The following ZNF468 variants were observed in gnomAD, a reference collection of about 807,000 sequenced individuals.
The protein encoded by ZNF468 is zinc finger protein 468.
In ZNF468, 8 loss-of-function variants were observed where a neutral mutation model predicts 7.2. The observed-to-expected ratio is 1.11, with a 90% CI of 0.65 to 2.01. The LOEUF (loss-of-function observed/expected upper bound fraction) is 2.01. Among genes scored for constraint, ZNF468 ranks in the 30% most tolerant of loss-of-function variants. The probability of loss-of-function intolerance (pLI) is 0.00; values close to 1 mark genes in which losing one functional copy is unlikely to be tolerated. For missense variants in ZNF468, 608 were observed against 626.5 expected, an observed-to-expected ratio of 0.97 and a Z score of 0.31; for synonymous variants, 218 against 214.4, an observed-to-expected ratio of 1.02 and a Z score of -0.15.
Position 52,841,509 on chromosome 19 carries a change from C to G in ZNF468, c.785G>C (p.Arg262Pro). 6.2e-7 allele frequency: 1 copy of G among 1,614,098 alleles called. No homozygotes were observed. Among genetic ancestry groups the G allele is most frequent in the Non-Finnish European group, 8.5e-7 (1 of 1,180,008 alleles). Residue 262 changes from arginine (R) to proline (P), a missense_variant, in exon 4 of 4, where the codon CGT becomes CCT. Physicochemically the swap from Arg to Pro is moderately radical, Grantham distance 103. Transcript: ENST00000595646. ...FNQKRYLACH[R>P]RCHTGEKPYK... ...AGGTTTCTCACCAGTGTGACATCTACGATGGCAGGCAAGGTATCGCTTCTG... is the reference window on the plus strand; with the variant it reads ...AGGTTTCTCACCAGTGTGACATCTAGGATGGCAGGCAAGGTATCGCTTCTG...
chr19:52,841,043 G>T lies in ZNF468; in HGVS notation c.1251C>A (p.Cys417Ter). 6.2e-7 allele frequency: 1 copy of T among 1,612,990 alleles called. No homozygotes were observed. The highest frequency in any genetic ancestry group is 8.5e-7 in the Non-Finnish European group (1 of 1,179,320). ...GGTTTGATTTGCGACTGAAAACTTT[G>T]CAACATTCTTCACATTTGTAAGGTT... is the stretch of plus-strand genomic sequence containing the variant. ...GEKPYKCEECCKVFSRKSNLE... is the reference protein window; with the variant it reads ...GEKPYKCEEC The change falls in exon 4 of 4, where the codon TGC becomes TGA. Residue 417 changes from cysteine (C) to a stop codon, truncating the protein, a stop_gained. Coordinates refer to ENST00000595646, the MANE Select transcript of ZNF468 (RefSeq NM_001008801.2). LOFTEE classifies it low-confidence loss of function (END_TRUNC).
At position 52,842,103 on chromosome 19, in the gene ZNF468, C is replaced by T; in HGVS notation, c.191G>A (p.Gly64Asp). 1.9e-6 allele frequency: 3 copies of T among 1,604,168 alleles called. No homozygotes were observed. Among genetic ancestry groups the T allele is most frequent in the Non-Finnish European group, 2.6e-6 (3 of 1,175,106 alleles). The change falls in exon 4 of 4, where the codon GGC becomes GAC. Residue 64 changes from glycine to aspartate, a missense_variant. Transcript: ENST00000595646. ...MLKTLSSTGQ[G>D]NTEVIHTGTL... is the part of the protein sequence containing the mutation. Reference sequence around the variant, plus strand: ...CCCTGTGTGGATCACTTCTGTATTGCCTTGCCCTGTTGACGACAACGTCTT... The same window carrying T: ...CCCTGTGTGGATCACTTCTGTATTGTCTTGCCCTGTTGACGACAACGTCTT...
intron 2 of ZNF468, among the ~76,000 whole-genome samples, chr19:52,852,501 C>T (rs1016867468): frequency 1.5e-4 from 23 of 151,802 alleles, no homozygotes; most frequent in African/African-American, 5.3e-4. Context: ...TGGTGAAACA[C>T]CGTCTCTAGT....
In ZNF468 at chr19:52,841,737, G is replaced by A. The variant is rs772609522; in HGVS notation, c.557C>T (p.Thr186Ile). 3.1e-6 allele frequency: 5 copies of A among 1,613,962 alleles called. No individual in the cohort carries two copies. The highest frequency in any genetic ancestry group is 1.1e-5 in the South Asian group (1 of 91,066). The change falls in exon 4 of 4, where the codon ACC becomes ATC. Residue 186 changes from threonine (T) to isoleucine (I), a missense_variant. Coordinates refer to ENST00000595646, the MANE Select transcript of ZNF468 (RefSeq NM_001008801.2). ...TSQRICCRPK[T>I]HISNKYGNNS... ...ATTTCCATACTTATTAGAAATATGG[G>A]TTTTGGGCCTACAACAAATTCTTTG...
intron 2 of ZNF468, 128 bp downstream of exon 2, chr19:52,854,130 A>G (rs778250251): frequency 6.3e-7 from 1 of 1,588,488 alleles, no homozygotes; most frequent in African/African-American, 1.3e-5. Flanking sequence ...AGAGGGACTG[A>G]AGGAAGGCAT....
chr19:52,842,182 A>G, intron 3 of ZNF468, 31 bp from the exon 4 acceptor site: 1 of 1,534,646 alleles, frequency 6.5e-7, no homozygotes, highest in Non-Finnish European at 8.8e-7. Context: ...TAGGTTTCCA[A>G]TTAAGTACAG....
intron 3 of ZNF468, 128 bp downstream of exon 3, chr19:52,848,957 CAT>C: frequency 1.4e-6 from 2 of 1,462,560 alleles, no homozygotes; most frequent in Non-Finnish European, 1.8e-6. Context: ...GATGCTACAT[CAT>C]GAAGCTTTTC....
At chr19:52,852,632 C>T (rs1412043917) in intron 2 of ZNF468, among the ~76,000 whole-genome samples, 1 of 151,678 alleles carries the variant, frequency 6.6e-6, no homozygotes, top group African/African-American at 2.4e-5. Flanking sequence ...GCCGAGATCA[C>T]ACCACTGCAC....
intron 3 of ZNF468, among the ~76,000 whole-genome samples, chr19:52,843,843 C>T (rs777391717): frequency 3.4e-4 from 52 of 152,042 alleles, no homozygotes; most frequent in South Asian, 1.5e-3. Context: ...GACTAGCGGC[C>T]GGGTGCAGTG....
chr19:52,843,822 G>C (rs919174128), intron 3 of ZNF468, among the ~76,000 whole-genome samples: 3 of 152,070 alleles, frequency 2.0e-5, no homozygotes, highest in African/African-American at 7.2e-5. Context: ...GCTTTACCAG[G>C]AACAAGAATT....
intron 3 of ZNF468, among the ~76,000 whole-genome samples, chr19:52,843,307 C>A (rs568958855): frequency 1.3e-5 from 2 of 152,168 alleles, no homozygotes; most frequent in African/African-American, 4.8e-5. Flanking sequence ...GATCTTGGCT[C>A]ACTGCAACCT....
At chr19:52,847,400 C>A (rs1161407629) in intron 3 of ZNF468, among the ~76,000 whole-genome samples, 5 of 146,206 alleles carry the variant, frequency 3.4e-5, no homozygotes, top group Non-Finnish European at 1.5e-5. Context: ...AGTTTCCCCC[C>A]ACTGAGACAG....
Position 52,840,073 on chromosome 19 carries a change from G to T in ZNF468, c.*652C>A. ...TCCAGTGTGAATTCTAGTATGGGGTGCCACGTGTGAATCATTCCCGAAAGC... is the reference window on the plus strand; with the variant it reads ...TCCAGTGTGAATTCTAGTATGGGGTTCCACGTGTGAATCATTCCCGAAAGC... On this transcript the variant is annotated 3_prime_UTR_variant, in exon 4 of 4. Transcript: ENST00000595646. 1 of 1,024,682 alleles carries T rather than the reference G, an allele frequency of 9.8e-7. No homozygotes were observed. Among genetic ancestry groups the T allele is most frequent in the Admixed American group, 2.7e-5 (1 of 37,558 alleles). The allele number at this position is 1,024,682 out of a possible 1,614,324, so 63.5% of individuals were successfully genotyped here. A position where few individuals can be genotyped will look rare whatever the true frequency, so the allele number is the denominator to read the frequency against.
intron 2 of ZNF468, chr19:52,849,630 T>C (rs565168248): frequency 6.1e-6 from 1 of 165,108 alleles, no homozygotes; most frequent in African/African-American, 2.8e-5. Context: ...ATCCCAGCTA[T>C]GCAGGAAGCT....
intron 3 of ZNF468, among the ~76,000 whole-genome samples, chr19:52,842,843 A>AAAAG (rs1568676245): frequency 9.3e-6 from 1 of 107,464 alleles, no homozygotes; most frequent in Admixed American, 9.6e-5. Context: ...AAAAAAAAAG[A>AAAAG]CATGGCATGG....
At position 52,854,328 on chromosome 19, in the gene ZNF468, A is replaced by G; in HGVS notation, c.-56T>C. The G allele has an allele frequency of 1.4e-5, 22 of 1,611,704 alleles. No individual in the cohort carries two copies. The highest frequency in any genetic ancestry group is 1.7e-5 in the Non-Finnish European group (20 of 1,178,174). On this transcript the variant is annotated 5_prime_UTR_variant, in exon 2 of 4. Transcript: ENST00000595646. ...CTGGGTTTCTTTCTCACGTACCAAC[A>G]GTCTTTAGAAGTCAATCCTGAATGT...
In ZNF468 at chr19:52,839,895, C is replaced by A; in HGVS notation, c.*830G>T. ...GTAAGATCTCTTCACTGTGGATTCT[C>A]CAATGATGTGCAATGGTTGTAGCAT... On this transcript the variant is annotated 3_prime_UTR_variant, in exon 4 of 4. Transcript: ENST00000595646. The A allele has an allele frequency of 1.2e-6, 1 of 834,710 alleles. No homozygotes were observed. Among genetic ancestry groups the A allele is most frequent in the Non-Finnish European group, 1.8e-6 (1 of 543,426 alleles). 51.7% of individuals were successfully genotyped at this position (834,710 alleles called of 1,614,324 possible). A position where few individuals can be genotyped will look rare whatever the true frequency, so the allele number is the denominator to read the frequency against.
intron 3 of ZNF468, among the ~76,000 whole-genome samples, chr19:52,842,883 G>A (rs1320721863): frequency 2.1e-5 from 3 of 141,810 alleles, no homozygotes; most frequent in East Asian, 2.0e-4. Context: ...CAGTAACTCC[G>A]GAGGCCGAGG....
Position 52,841,029 on chromosome 19 carries a change from C to A in ZNF468, c.1265G>T (p.Arg422Leu). The change falls in exon 4 of 4, where the codon CGC becomes CTC. Residue 422 changes from arginine to leucine, a missense_variant. Physicochemically the swap from Arg to Leu is moderately radical, Grantham distance 102. Transcript: ENST00000595646. The part of the protein sequence containing the change: ...KCEECCKVFS[R>L]KSNLERHRRI... ...CCTGTGTCTTTCCAGGTTTGATTTGCGACTGAAAACTTTGCAACATTCTTC... is the reference window on the plus strand; with the variant it reads ...CCTGTGTCTTTCCAGGTTTGATTTGAGACTGAAAACTTTGCAACATTCTTC... The A allele has an allele frequency of 6.2e-7, 1 of 1,612,678 alleles. No individual in the cohort carries two copies. The highest frequency in any genetic ancestry group is 1.7e-4 in the Middle Eastern group (1 of 6,044).
Sources: gnomAD v4.1 joint callset for allele counts (sites outside exome capture counted in the v4.1 genomes callset) on GRCh38, gnomAD v4.1.1 for gene constraint, MANE v1.5 for transcripts, NCBI Gene and HGNC (gene_info 2026-07-23, HGNC 2026-07-21) for gene names.